The following CFDP1 variants were observed in gnomAD, a reference collection of about 807,000 sequenced individuals.
CFDP1 encodes chromatin remodeling protein CFDP1.
A neutral mutation model predicts 40.1 loss-of-function variants in CFDP1; 31 were observed. The ratio of observed to expected loss-of-function variants is 0.77; its 90% CI spans 0.58 to 1.04. The LOEUF (loss-of-function observed/expected upper bound fraction) is 1.04. Ranked by LOEUF, CFDP1 falls within the 50% of genes least tolerant of loss-of-function variation. CFDP1 has a pLI of 0.00. For synonymous variants in CFDP1, 167 were observed against 120.0 expected, an observed-to-expected ratio of 1.39 and a Z score of -2.56; for missense variants, 423 against 343.4, an observed-to-expected ratio of 1.23 and a Z score of -1.83.
chr16:75,394,397 C>T (rs1430375124), intron 5 of CFDP1, among the ~76,000 whole-genome samples: 1 of 152,126 alleles, frequency 6.6e-6, no homozygotes, highest in Admixed American at 6.6e-5. Context: ...GGGAGGAAAA[C>T]CATTAAGTTC....
intron 1 of CFDP1, among the ~76,000 whole-genome samples, chr16:75,422,396 CTTTTTTT>C (rs765465924): frequency 2.3e-5 from 3 of 129,486 alleles, no homozygotes; most frequent in African/African-American, 9.2e-5. Flanking sequence ...CGTATGGCCT[CTTTTTTT>C]TTTTTTTTTT....
At chr16:75,323,759 A>T (rs1173036577) in intron 5 of CFDP1, among the ~76,000 whole-genome samples, 11 of 150,046 alleles carry the variant, frequency 7.3e-5, no homozygotes, top group Non-Finnish European at 3.0e-5. Flanking sequence ...AGCCTGGGCA[A>T]CAAGAGCGAA....
At chr16:75,430,088 G>T (rs1212322411) in intron 1 of CFDP1, among the ~76,000 whole-genome samples, 1 of 152,184 alleles carries the variant, frequency 6.6e-6, no homozygotes, top group Non-Finnish European at 1.5e-5. Flanking sequence ...AAATTTTCTT[G>T]TTGGCAACAG....
chr16:75,359,813 C>G (rs532487480), intron 5 of CFDP1, among the ~76,000 whole-genome samples: 1 of 152,276 alleles, frequency 6.6e-6, no homozygotes, highest in Non-Finnish European at 1.5e-5. Context: ...TGACCAAACC[C>G]AATTTATCTG....
At chr16:75,336,159 C>A (rs2078486418) in intron 5 of CFDP1, among the ~76,000 whole-genome samples, 1 of 152,194 alleles carries the variant, frequency 6.6e-6, no homozygotes. Context: ...TAAGCAAACA[C>A]TGAGCACTTT....
rs1316692276 is a variant in CFDP1, at chr16:75,412,606, C to T, written c.331G>A (p.Asp111Asn). The change falls in exon 3 of 7, where the codon GAC becomes AAC. Residue 111 changes from aspartate to asparagine, a missense_variant. Physicochemically the swap from Asp to Asn is conservative, Grantham distance 23. Transcript: ENST00000283882. Reference protein sequence around the residue: ...GSEDARKKKEDELWASFLNDV... With the variant: ...GSEDARKKKENELWASFLNDV... ...TTGAGGAAGCTGGCCCAGAGTTCGTCCTCCTTCTTTTTCCTGGCATCCTCT... is the reference window on the plus strand; with the variant it reads ...TTGAGGAAGCTGGCCCAGAGTTCGTTCTCCTTCTTTTTCCTGGCATCCTCT... 8.7e-6 allele frequency: 14 copies of T among 1,614,138 alleles called. No individual in the cohort carries two copies. Among genetic ancestry groups the T allele is most frequent in the Non-Finnish European group, 1.1e-5 (13 of 1,180,014 alleles).
chr16:75,423,382 T>C (rs1193998288), intron 1 of CFDP1, among the ~76,000 whole-genome samples: 1 of 151,814 alleles, frequency 6.6e-6, no homozygotes, highest in African/African-American at 2.4e-5. Flanking sequence ...CCAGGAGTTT[T>C]AGGCTGCAGT....
At chr16:75,412,979 A>G (rs545332789) in intron 2 of CFDP1, among the ~76,000 whole-genome samples, 7 of 152,238 alleles carry the variant, frequency 4.6e-5, no homozygotes, top group African/African-American at 1.2e-4. Flanking sequence ...CTTTTCTCCA[A>G]TCACTTAAAA....
At chr16:75,376,652 A>G (rs2078800263) in intron 5 of CFDP1, among the ~76,000 whole-genome samples, 1 of 152,204 alleles carries the variant, frequency 6.6e-6, no homozygotes, top group African/African-American at 2.4e-5. Context: ...ACTATACCTT[A>G]TCTTGGATAG....
intron 5 of CFDP1, among the ~76,000 whole-genome samples, chr16:75,370,730 C>CA (rs923593482): frequency 5.0e-4 from 76 of 152,164 alleles, no homozygotes; most frequent in African/African-American, 1.8e-3. Context: ...GGTGTGGTGG[C>CA]ATGTGCCTGT....
In CFDP1 at chr16:75,317,053, C is replaced by G. The variant is rs547332050; in HGVS notation, c.651-11871G>C. 2.6e-5 allele frequency among the ~76,000 whole-genome samples: 4 copies of G among 152,232 alleles called. No homozygotes were observed. The South Asian group carries it at 8.3e-4, about 32-fold the overall frequency. On this transcript the variant is annotated intron_variant, in intron 5 of 6. Coordinates refer to ENST00000283882, the MANE Select transcript of CFDP1 (RefSeq NM_006324.3). ...AAAGAGCAGTTAACTAGAGAAAAGGCAAAAGGCTATGGGATCTTCAGCAAA... is the reference window on the plus strand; with the variant it reads ...AAAGAGCAGTTAACTAGAGAAAAGGGAAAAGGCTATGGGATCTTCAGCAAA...
At chr16:75,346,582 C>CAAAAAAAAAAAAAAAAAA (rs748081401) in intron 5 of CFDP1, among the ~76,000 whole-genome samples, 8 of 59,328 alleles carry the variant, frequency 1.3e-4, no homozygotes, top group African/African-American at 2.2e-4. Context: ...GACTCTGTCT[C>CAAAAAAAAAAAAAAAAAA]AAAAAAAAAA....
intron 6 of CFDP1, among the ~76,000 whole-genome samples, chr16:75,304,363 T>C (rs1207152276): frequency 6.6e-6 from 1 of 152,224 alleles, no homozygotes; most frequent in Non-Finnish European, 1.5e-5. Flanking sequence ...CCACCATGCC[T>C]GGCCACCATT....
At chr16:75,315,256 C>T (rs988197298) in intron 5 of CFDP1, among the ~76,000 whole-genome samples, 12 of 125,822 alleles carry the variant, frequency 9.5e-5, no homozygotes, top group South Asian at 2.7e-4. Flanking sequence ...TGCTTGAGAA[C>T]GGGAGGCGGA....
rs562284908 is a variant in CFDP1, at chr16:75,410,504, T to G, written c.530+1321A>C. On this transcript the variant is annotated intron_variant, in intron 4 of 6. Coordinates refer to ENST00000283882, the MANE Select transcript of CFDP1 (RefSeq NM_006324.3). ...AAAATAATATTGAGGCCGGGGACAG[T>G]GGCTCATGCCTGTAATCTCAGCACT... Among the ~76,000 whole-genome samples, 5 of 152,246 alleles carry G rather than the reference T, an allele frequency of 3.3e-5. No homozygotes were observed. In the East Asian group the frequency reaches 7.7e-4, roughly 24 times the overall value.
chr16:75,432,739 G>A (rs143694763), intron 1 of CFDP1, among the ~76,000 whole-genome samples: 1 of 152,216 alleles, frequency 6.6e-6, no homozygotes, highest in African/African-American at 2.4e-5. Flanking sequence ...TCTTCAGTAA[G>A]ATTCATTCTC....
At chr16:75,335,307 T>C (rs1469765365) in intron 5 of CFDP1, among the ~76,000 whole-genome samples, 1 of 152,196 alleles carries the variant, frequency 6.6e-6, no homozygotes, top group East Asian at 1.9e-4. Context: ...GAAAAATAAC[T>C]TAAACCTTTA....
At chr16:75,323,683 G>A (rs1400006465) in intron 5 of CFDP1, among the ~76,000 whole-genome samples, 1 of 151,698 alleles carries the variant, frequency 6.6e-6, no homozygotes, top group Admixed American at 6.6e-5. Context: ...AGAGGCTGAG[G>A]CAGGAGAACT....
intron 4 of CFDP1, among the ~76,000 whole-genome samples, chr16:75,404,146 AATTATT>A (rs1377269192): frequency 7.3e-5 from 11 of 151,366 alleles, no homozygotes; most frequent in African/African-American, 1.9e-4. Context: ...TAATAATAGT[AATTATT>A]ATTATTATTT....
Sources: allele counts gnomAD v4.1 joint callset (sites outside exome capture counted in the v4.1 genomes callset), GRCh38; gene constraint gnomAD v4.1.1; transcripts MANE v1.5; gene names NCBI Gene and HGNC (gene_info 2026-07-23, HGNC 2026-07-21).